The following METTL25 variants were observed in gnomAD, a reference collection of about 807,000 sequenced individuals.
METTL25 encodes probable methyltransferase-like protein 25.
METTL25 carries 64 observed loss-of-function variants against 71.6 expected under a neutral mutation model. That is an observed-to-expected ratio of 0.89 (90% CI 0.73 to 1.10). The LOEUF (loss-of-function observed/expected upper bound fraction) is 1.10. METTL25 is among the 50% of genes least tolerant of loss of function. The pLI is 0.00. For synonymous variants in METTL25, 287 were observed against 250.3 expected (o/e 1.15, Z -1.38); for missense variants, 807 against 707.0 (o/e 1.14, Z -1.60).
chr12:82,382,662 A>T (rs1293335670), intron 1 of METTL25, among the ~76,000 whole-genome samples: 1 of 152,192 alleles, frequency 6.6e-6, no homozygotes, highest in Non-Finnish European at 1.5e-5. Context: ...TTTTACAAAG[A>T]TATTTCTTTT....
intron 1 of METTL25, among the ~76,000 whole-genome samples, chr12:82,365,616 C>A (rs1882474027): frequency 6.6e-6 from 1 of 152,174 alleles, no homozygotes; most frequent in Non-Finnish European, 1.5e-5. Context: ...GCAGAATCAT[C>A]ATTGATCTTC....
At chr12:82,410,636 C>A (rs942777989) in intron 5 of METTL25, among the ~76,000 whole-genome samples, 10 of 151,920 alleles carry the variant, frequency 6.6e-5, no homozygotes, top group South Asian at 2.1e-4. Context: ...TAAGGGAAAT[C>A]TCTATGGATC....
chr12:82,412,091 T>C (rs1173696378), intron 5 of METTL25, among the ~76,000 whole-genome samples: 1 of 152,048 alleles, frequency 6.6e-6, no homozygotes, highest in Non-Finnish European at 1.5e-5. Context: ...TCACATATTT[T>C]TGAGTCAGAC....
intron 3 of METTL25, among the ~76,000 whole-genome samples, chr12:82,393,439 A>G (rs957754782): frequency 4.6e-5 from 7 of 152,024 alleles, no homozygotes; most frequent in African/African-American, 1.7e-4. Flanking sequence ...CTCTGTTGTC[A>G]TATAGAAATG....
chr12:82,367,271 T>C (rs1279767282), intron 1 of METTL25, among the ~76,000 whole-genome samples: 1 of 152,226 alleles, frequency 6.6e-6, no homozygotes, highest in Non-Finnish European at 1.5e-5. Flanking sequence ...TTTGGATTTT[T>C]AAAATTTTAT....
intron 8 of METTL25, among the ~76,000 whole-genome samples, chr12:82,446,779 G>A (rs1187346882): frequency 6.6e-6 from 1 of 151,828 alleles, no homozygotes; most frequent in Non-Finnish European, 1.5e-5. Context: ...ACCACACCCG[G>A]CTAATTTTTG....
chr12:82,478,035 C>G (rs539658451), intron 11 of METTL25, among the ~76,000 whole-genome samples: 59 of 151,832 alleles, frequency 3.9e-4, no homozygotes, highest in African/African-American at 1.4e-3. Flanking sequence ...CTAATTGAAA[C>G]AAATGGATAT....
intron 1 of METTL25, among the ~76,000 whole-genome samples, chr12:82,371,646 A>G (rs974574339): frequency 6.6e-6 from 1 of 151,990 alleles, no homozygotes; most frequent in Non-Finnish European, 1.5e-5. Flanking sequence ...TAACGCCTCC[A>G]GATTTTTTTC....
At chr12:82,397,720 G>A (rs1365812586) in intron 3 of METTL25, among the ~76,000 whole-genome samples, 1 of 151,548 alleles carries the variant, frequency 6.6e-6, no homozygotes, top group African/African-American at 2.4e-5. Context: ...AATTATCTTG[G>A]GCACTTTGTC....
intron 7 of METTL25, 32 bp downstream of exon 7, chr12:82,434,756 A>G (rs1479333321): frequency 1.3e-6 from 2 of 1,597,524 alleles, no homozygotes; most frequent in Non-Finnish European, 1.7e-6. Context: ...TGAACACGAC[A>G]GTTTTTCTCT....
At chr12:82,457,806 A>G (rs976383465) in intron 9 of METTL25, among the ~76,000 whole-genome samples, 9 of 152,106 alleles carry the variant, frequency 5.9e-5, no homozygotes, top group Non-Finnish European at 1.3e-4. Flanking sequence ...ACTAAAATGA[A>G]GACTCTCCTA....
At chr12:82,460,511 G>T (rs1425725355) in intron 9 of METTL25, among the ~76,000 whole-genome samples, 1 of 152,192 alleles carries the variant, frequency 6.6e-6, no homozygotes, top group African/African-American at 2.4e-5. Context: ...CATGTTGCTA[G>T]TATGTACTCT....
chr12:82,421,687 G>C (rs1888513064), intron 5 of METTL25, among the ~76,000 whole-genome samples: 1 of 152,046 alleles, frequency 6.6e-6, no homozygotes, highest in South Asian at 2.1e-4. Flanking sequence ...GAATCAAATA[G>C]ATGCAATAAA....
At chr12:82,473,383 A>C (rs1020407712) in intron 9 of METTL25, among the ~76,000 whole-genome samples, 1 of 152,092 alleles carries the variant, frequency 6.6e-6, no homozygotes, top group South Asian at 2.1e-4. Context: ...GACCTAGGGC[A>C]TGTCGGCCAG....
At chr12:82,398,183 T>G (rs1037173895) in intron 3 of METTL25, among the ~76,000 whole-genome samples, 13 of 151,780 alleles carry the variant, frequency 8.6e-5, no homozygotes, top group Admixed American at 2.6e-4. Context: ...TTCATTAAAT[T>G]TATTCCTATA....
intron 1 of METTL25, among the ~76,000 whole-genome samples, chr12:82,376,974 G>A (rs113584054): frequency 7.9e-5 from 12 of 152,138 alleles, no homozygotes; most frequent in Non-Finnish European, 1.3e-4. Context: ...ATTAGCCGGC[G>A]TGGTGGCGGG....
At chr12:82,422,218 C>T (rs970672722) in intron 5 of METTL25, among the ~76,000 whole-genome samples, 3 of 152,154 alleles carry the variant, frequency 2.0e-5, no homozygotes, top group African/African-American at 7.2e-5. Flanking sequence ...TGGGCTTCAT[C>T]CCTGGGATGC....
chr12:82,407,397 A>C (rs1187552782), intron 5 of METTL25, among the ~76,000 whole-genome samples: 2 of 152,126 alleles, frequency 1.3e-5, no homozygotes, highest in Non-Finnish European at 2.9e-5. Flanking sequence ...AGTGTTGGAA[A>C]GGTTTGTGAG....
intron 5 of METTL25, among the ~76,000 whole-genome samples, chr12:82,405,588 G>A (rs1403880058): frequency 6.6e-6 from 1 of 152,062 alleles, no homozygotes. Context: ...TTTCCAGTAC[G>A]TTTTCTAATA....
Sources: gnomAD v4.1 joint callset for allele counts (sites outside exome capture counted in the v4.1 genomes callset) on GRCh38, gnomAD v4.1.1 for gene constraint, MANE v1.5 for transcripts, NCBI Gene and HGNC (gene_info 2026-07-23, HGNC 2026-07-21) for gene names.